Variants in LRRC27 observed in about 807,000 individuals in gnomAD.
The protein encoded by LRRC27 is leucine-rich repeat-containing protein 27.
In LRRC27, 57 loss-of-function variants were observed where a neutral mutation model predicts 55.0. That is an observed-to-expected ratio of 1.04 (90% CI 0.84 to 1.29). LRRC27 has a LOEUF of 1.29. Among genes scored for constraint, LRRC27 ranks in the 50% most tolerant of loss-of-function variants. The probability of loss-of-function intolerance (pLI) is 0.00; values close to 1 mark genes in which losing one functional copy is unlikely to be tolerated. For synonymous variants in LRRC27, 278 were observed against 251.9 expected, an observed-to-expected ratio of 1.10 and a Z score of -0.98; for missense variants, 721 against 651.5, an observed-to-expected ratio of 1.11 and a Z score of -1.16.
At chr10:132,358,393 G>A (rs1351205984) in intron 8 of LRRC27, among the ~76,000 whole-genome samples, 2 of 34,456 alleles carry the variant, frequency 5.8e-5, no homozygotes, top group Non-Finnish European at 1.0e-4. Context: ...ATGGAGCAGC[G>A]TGGGGAGGAG....
At chr10:132,335,865 G>A (rs2067103424) in intron 2 of LRRC27, among the ~76,000 whole-genome samples, 1 of 152,206 alleles carries the variant, frequency 6.6e-6, no homozygotes, top group Non-Finnish European at 1.5e-5. Context: ...GACAAAACGA[G>A]CTATTTTGCG....
At chr10:132,335,777 A>C (rs2067098436) in intron 2 of LRRC27, among the ~76,000 whole-genome samples, 1 of 152,204 alleles carries the variant, frequency 6.6e-6, no homozygotes, top group Non-Finnish European at 1.5e-5. Flanking sequence ...CCCACAATGC[A>C]TTGCAATCCC....
rs982787779 is a variant in LRRC27 at position 132,365,312 on chromosome 10, C to G, written c.1290-112C>G. ...CACAGCTGTGCGGGAGCCTCAGGACCGCTGTTTGGTCTGGGAAGAAAGGCA... is the reference window on the plus strand; with the variant it reads ...CACAGCTGTGCGGGAGCCTCAGGACGGCTGTTTGGTCTGGGAAGAAAGGCA... On this transcript the variant is annotated intron_variant, in intron 9 of 10. Transcript: ENST00000368614. The G allele has an allele frequency of 3.5e-6, 5 of 1,430,110 alleles. No individual in the cohort carries two copies. In the African/African-American group the frequency reaches 5.6e-5, roughly 16 times the overall value. The allele number at this position is 1,430,110 out of a possible 1,614,324, so 88.6% of individuals were successfully genotyped here.
At chr10:132,344,871 C>G (rs943407818) in intron 5 of LRRC27, 5 of 440,086 alleles carry the variant, frequency 1.1e-5, no homozygotes, top group Non-Finnish European at 2.0e-5. Flanking sequence ...GATCCTGGCT[C>G]AAGTGGATTT....
At position 132,348,003 on chromosome 10, in the gene LRRC27, G is replaced by A; in HGVS notation, c.573G>A (p.Glu191=). Residue 191 remains glutamate (E), a synonymous_variant, in exon 6 of 11, where the codon GAG becomes GAA. Coordinates refer to ENST00000368614, the MANE Select transcript of LRRC27 (RefSeq NM_030626.3). The surrounding 1 kb of genome is among the most constrained non-coding windows in gnomAD (Gnocchi z 4.2). ...TCCCAGAGGCTCCACCGGTTAGAGA[G>A]ATGACCCTCCGTGACCTCCCGAGCC... ...PTSQEAPPVR[E]MTLRDLPSPG... 1.9e-6 allele frequency: 3 copies of A among 1,609,890 alleles called. No individual in the cohort carries two copies. Among genetic ancestry groups the A allele is most frequent in the Non-Finnish European group, 1.7e-6 (2 of 1,178,618 alleles).
intron 3 of LRRC27, among the ~76,000 whole-genome samples, chr10:132,338,693 T>C (rs2067244416): frequency 6.6e-6 from 1 of 151,714 alleles, no homozygotes; most frequent in African/African-American, 2.4e-5. Flanking sequence ...CCTTAACTCT[T>C]TTTCTTTTCT....
rs138886777 is a variant in LRRC27 at position 132,368,445 on chromosome 10, A to G, written c.1416+2895A>G. 3.8e-3 allele frequency among the ~76,000 whole-genome samples: 578 copies of G among 152,342 alleles called. 1 individual carries two copies. The highest frequency in any genetic ancestry group is 4.2e-3 in the Non-Finnish European group (287 of 68,026). Reference sequence around the variant, plus strand: ...TTGAAGACTCTAAAGCTACAATAACAGTGTGATATTGTCAAAAGAATAGAC... The same window carrying G: ...TTGAAGACTCTAAAGCTACAATAACGGTGTGATATTGTCAAAAGAATAGAC... On this transcript the variant is annotated intron_variant, in intron 10 of 10. Transcript: ENST00000368614.
chr10:132,359,247 C>T (rs568469347), intron 8 of LRRC27, among the ~76,000 whole-genome samples: 2 of 152,186 alleles, frequency 1.3e-5, no homozygotes, highest in Non-Finnish European at 2.9e-5. Flanking sequence ...AAGTTAAGAG[C>T]GTGTCCTTTG....
chr10:132,347,890 A>T, intron 5 of LRRC27, 94 bp from the exon 6 acceptor site: 1 of 1,458,676 alleles, frequency 6.9e-7, no homozygotes, highest in Non-Finnish European at 9.2e-7. Context: ...TGGGCACCCC[A>T]CCCCCCACCA....
Position 132,341,343 on chromosome 10 carries a change from T to C in LRRC27, c.342-870T>C, listed in dbSNP as rs952689596. ...CAGAGGTTGCAGTGAGCTGAGATTG[T>C]GTCACTGCACTCCAGCCTGGGCAAC... On this transcript the variant is annotated intron_variant, in intron 3 of 10. Transcript: ENST00000368614. Among the ~76,000 whole-genome samples the C allele has an allele frequency of 3.3e-5, 5 of 151,678 alleles. No individual in the cohort carries two copies. The East Asian group carries it at 7.9e-4, about 24-fold the overall frequency.
chr10:132,365,971 G>A lies in LRRC27; in HGVS notation c.1416+421G>A, dbSNP rs1444188225. Among the ~76,000 whole-genome samples, 3 of 152,262 alleles carry A rather than the reference G, an allele frequency of 2.0e-5. No individual in the cohort carries two copies. In the East Asian group the frequency reaches 5.8e-4, roughly 29 times the overall value. ...CTAAAACCGTGGGACTGTGTGGAAT[G>A]TGTCTTATGAGGTGTAGAAATTCCC... On this transcript the variant is annotated intron_variant, in intron 10 of 10. Transcript: ENST00000368614.
upstream of LRRC27, chr10:132,330,570 C>T: frequency 2.8e-6 from 2 of 707,868 alleles, no homozygotes; most frequent in Non-Finnish European, 2.6e-6. Context: ...TTAAGTGGCA[C>T]AATCATAACT....
intron 8 of LRRC27, among the ~76,000 whole-genome samples, chr10:132,359,939 C>A (rs1488406863): frequency 2.6e-5 from 4 of 152,204 alleles, no homozygotes; most frequent in Admixed American, 2.6e-4. Flanking sequence ...ATATTTGGTT[C>A]TTTGCTTGCT....
upstream of LRRC27, among the ~76,000 whole-genome samples, chr10:132,330,642 G>C (rs1208726331): frequency 6.7e-6 from 1 of 149,650 alleles, no homozygotes; most frequent in Non-Finnish European, 1.5e-5. Context: ...CACACAGCTG[G>C]AACTACAGGT....
Position 132,342,171 on chromosome 10 carries a change from A to C in LRRC27, c.342-42A>C, listed in dbSNP as rs1290932966. On this transcript the variant is annotated intron_variant, in intron 3 of 10. Transcript: ENST00000368614. ...GGTATATTTTGGAGATAGTCAATTAAATCTTGCTTTTTAAATTTTTTTGTT... is the reference window on the plus strand; with the variant it reads ...GGTATATTTTGGAGATAGTCAATTACATCTTGCTTTTTAAATTTTTTTGTT... 8.4e-6 allele frequency: 11 copies of C among 1,305,998 alleles called. No individual in the cohort carries two copies. In the South Asian group the frequency reaches 1.1e-4, roughly 13 times the overall value. 80.9% of individuals were successfully genotyped at this position (1,305,998 alleles called of 1,614,324 possible). A position where few individuals can be genotyped will look rare whatever the true frequency, so the allele number is the denominator to read the frequency against.
chr10:132,330,754 C>T (rs536923252), upstream of LRRC27, among the ~76,000 whole-genome samples: 1 of 149,978 alleles, frequency 6.7e-6, no homozygotes, highest in East Asian at 2.0e-4. Context: ...AAGCGATCTT[C>T]CCACCCTGGC....
chr10:132,349,005 G>A, intron 6 of LRRC27: 2 of 1,611,588 alleles, frequency 1.2e-6, no homozygotes, highest in Non-Finnish European at 1.7e-6. Context: ...GACTACATGA[G>A]AGAAAAACTC....
At chr10:132,371,110 G>A (rs944497216) in intron 10 of LRRC27, among the ~76,000 whole-genome samples, 1 of 152,264 alleles carries the variant, frequency 6.6e-6, no homozygotes, top group African/African-American at 2.4e-5. Flanking sequence ...AGAAGCAGAG[G>A]GTCTCATTCT....
intron 10 of LRRC27, among the ~76,000 whole-genome samples, chr10:132,369,193 T>C (rs1346878231): frequency 6.6e-6 from 1 of 152,226 alleles, no homozygotes; most frequent in Non-Finnish European, 1.5e-5. Context: ...GTACAGCCAC[T>C]TGGGAAGACA....
Sources: gnomAD v4.1 joint callset for allele counts (sites outside exome capture counted in the v4.1 genomes callset) on GRCh38, gnomAD v4.1.1 for gene constraint, Gnocchi (gnomAD v3.1) non-coding constraint, MANE v1.5 for transcripts, NCBI Gene and HGNC (gene_info 2026-07-23, HGNC 2026-07-21) for gene names.